The following LRRIQ3 variants were observed in gnomAD, a reference collection of about 807,000 sequenced individuals.
LRRIQ3 encodes leucine rich repeats and IQ motif containing 3, also known as leucine-rich repeat and IQ domain-containing protein 3.
In LRRIQ3, 75 loss-of-function variants were observed where a neutral mutation model predicts 59.3. The observed-to-expected ratio is 1.26, with a 90% CI of 1.05 to 1.53. The LOEUF is 1.53. Among genes scored for constraint, LRRIQ3 ranks in the 40% most tolerant of loss-of-function variants. The pLI is 0.00. For synonymous variants in LRRIQ3, 250 were observed against 231.3 expected (o/e 1.08, Z -0.73); for missense variants, 831 against 710.0 (o/e 1.17, Z -1.94).
chr1:74,045,242 A>G (rs1654165239), intron 6 of LRRIQ3, among the ~76,000 whole-genome samples: 1 of 152,198 alleles, frequency 6.6e-6, no homozygotes, highest in Admixed American at 6.5e-5. Flanking sequence ...ATCCAGCAGC[A>G]CATCAAAAAG....
chr1:74,181,812 T>C (rs1228832166), intron 3 of LRRIQ3: 2 of 151,884 alleles, frequency 1.3e-5, no homozygotes, highest in Non-Finnish European at 3.0e-5. Context: ...TCAATGTTTA[T>C]ATATTCTTTT....
At chr1:74,046,847 A>C (rs1177875522) in intron 6 of LRRIQ3, among the ~76,000 whole-genome samples, 1 of 152,246 alleles carries the variant, frequency 6.6e-6, no homozygotes, top group African/African-American at 2.4e-5. Flanking sequence ...ACATATGAGA[A>C]AAAGCTCATC....
intron 6 of LRRIQ3, among the ~76,000 whole-genome samples, chr1:74,047,913 AG>A (rs1295613189): frequency 6.6e-6 from 1 of 152,168 alleles, no homozygotes; most frequent in Non-Finnish European, 1.5e-5. Context: ...TGATTGAATC[AG>A]GTTAGTGTTC....
chr1:74,156,863 G>A (rs1021211024), intron 3 of LRRIQ3, among the ~76,000 whole-genome samples: 6 of 152,114 alleles, frequency 3.9e-5, no homozygotes, highest in Non-Finnish European at 8.8e-5. Flanking sequence ...TTAGAAATAA[G>A]GTCACTGTTT....
At chr1:74,060,665 C>T (rs1227898553) in intron 6 of LRRIQ3, among the ~76,000 whole-genome samples, 1 of 151,848 alleles carries the variant, frequency 6.6e-6, no homozygotes, top group Non-Finnish European at 1.5e-5. Flanking sequence ...ATCACTTAAG[C>T]CCAGGAGTTT....
At chr1:74,075,747 G>A (rs538641995) in intron 5 of LRRIQ3, among the ~76,000 whole-genome samples, 59 of 152,242 alleles carry the variant, frequency 3.9e-4, no homozygotes, top group African/African-American at 1.4e-3. Context: ...ATCCAGGACT[G>A]TTACGGAGCT....
intron 3 of LRRIQ3, chr1:74,181,882 ATG>A (rs1159534054): frequency 6.6e-6 from 1 of 151,800 alleles, no homozygotes; most frequent in Non-Finnish European, 1.5e-5. Flanking sequence ...ACACACATAT[ATG>A]TGACTTCACA....
intron 6 of LRRIQ3, among the ~76,000 whole-genome samples, chr1:74,071,475 C>A (rs1655027421): frequency 6.6e-6 from 1 of 152,052 alleles, no homozygotes; most frequent in African/African-American, 2.4e-5. Context: ...ACTCATAATC[C>A]TCACTAGAGA....
chr1:74,083,118 A>C (rs1242098695), intron 5 of LRRIQ3: 1 of 151,602 alleles, frequency 6.6e-6, no homozygotes, highest in Non-Finnish European at 1.5e-5. Context: ...ACACAAACAC[A>C]CGTGCTTATG....
intron 6 of LRRIQ3, chr1:74,050,541 C>T: frequency 1.0e-6 from 1 of 985,400 alleles, no homozygotes; most frequent in East Asian, 1.1e-4. Flanking sequence ...TTGTTTGATT[C>T]TTCTGAACGT....
chr1:74,085,090 T>G (rs1557607861), intron 5 of LRRIQ3, among the ~76,000 whole-genome samples: 1 of 151,810 alleles, frequency 6.6e-6, no homozygotes, highest in Admixed American at 6.6e-5. Context: ...CCCACCCACA[T>G]ACAAATATCA....
intron 5 of LRRIQ3, among the ~76,000 whole-genome samples, chr1:74,088,878 C>A (rs1057216826): frequency 1.3e-5 from 2 of 151,914 alleles, no homozygotes; most frequent in Non-Finnish European, 2.9e-5. Flanking sequence ...AGTGAAAAGA[C>A]AACCCACATA....
At chr1:74,046,395 G>C (rs773831624) in intron 6 of LRRIQ3, among the ~76,000 whole-genome samples, 5 of 152,118 alleles carry the variant, frequency 3.3e-5, no homozygotes, top group Admixed American at 6.5e-5. Context: ...TAGGAAAACT[G>C]GCTAGCCATA....
intron 5 of LRRIQ3, chr1:74,084,133 C>G (rs764419148): frequency 4.6e-5 from 71 of 1,537,582 alleles, no homozygotes; most frequent in African/African-American, 1.2e-4. Flanking sequence ...GAATGATGTG[C>G]ATAATTCCTT....
chr1:74,054,499 C>T (rs78576364), intron 6 of LRRIQ3, among the ~76,000 whole-genome samples: 1,740 of 151,966 alleles, frequency 0.011, 48 homozygotes, highest in East Asian at 0.055. Context: ...AGAATGTACA[C>T]CAAGAGTAAA....
At position 74,191,671 on chromosome 1, in the gene LRRIQ3, T is replaced by A. The variant is rs192931945; in HGVS notation, c.-1+6325A>T. 2.6e-5 allele frequency among the ~76,000 whole-genome samples: 4 copies of A among 152,172 alleles called. No individual in the cohort carries two copies. In the East Asian group the frequency reaches 7.7e-4, roughly 29 times the overall value. On this transcript the variant is annotated intron_variant, in intron 1 of 7. Coordinates refer to ENST00000354431, the MANE Select transcript of LRRIQ3 (RefSeq NM_001105659.2). ...GAAAATTCCAAAATACTTGGGAGATTTATAAACACACTTCTAAGTAACACA... is the reference window on the plus strand; with the variant it reads ...GAAAATTCCAAAATACTTGGGAGATATATAAACACACTTCTAAGTAACACA...
intron 3 of LRRIQ3, among the ~76,000 whole-genome samples, chr1:74,176,489 T>C (rs1256416838): frequency 6.6e-6 from 1 of 152,226 alleles, no homozygotes; most frequent in African/African-American, 2.4e-5. Flanking sequence ...TCTGCATTTA[T>C]GTCTATTGCA....
chr1:74,100,732 C>A (rs1646517311), intron 5 of LRRIQ3, among the ~76,000 whole-genome samples: 1 of 152,082 alleles, frequency 6.6e-6, no homozygotes, highest in Admixed American at 6.6e-5. Context: ...TGGAACAGAA[C>A]AGAGCCCTCA....
intron 1 of LRRIQ3, among the ~76,000 whole-genome samples, chr1:74,195,337 T>C (rs1651042470): frequency 6.6e-6 from 1 of 152,138 alleles, no homozygotes; most frequent in South Asian, 2.1e-4. Flanking sequence ...AGCTCCACAG[T>C]ATATAATCCA....
Sources: gnomAD v4.1 joint callset for allele counts (sites outside exome capture counted in the v4.1 genomes callset) on GRCh38, gnomAD v4.1.1 for gene constraint, MANE v1.5 for transcripts, NCBI Gene and HGNC (gene_info 2026-07-23, HGNC 2026-07-21) for gene names.